TSPAN6: variants seen among roughly 807,000 people sequenced by gnomAD.
TSPAN6 encodes the protein tetraspanin-6.
A neutral mutation model predicts 18.0 loss-of-function variants in TSPAN6; 13 were observed. That is an observed-to-expected ratio of 0.72 (90% CI 0.47 to 1.15). The LOEUF (loss-of-function observed/expected upper bound fraction) is 1.15. Among genes scored for constraint, TSPAN6 ranks in the 50% most tolerant of loss-of-function variants. The pLI is 0.00. For missense variants in TSPAN6, 186 were observed against 183.9 expected (o/e 1.01, Z -0.07); for synonymous variants, 82 against 67.0 (o/e 1.22, Z -1.09).
chrX:100,632,017 C>T, intron 6 of TSPAN6: 1 of 130,745 alleles, frequency 7.6e-6, no homozygotes, highest in Non-Finnish European at 1.5e-5. Context: ...TATTTTTATA[C>T]TGTGACCAGT....
chrX:100,635,229 A>G lies in TSPAN6; in HGVS notation c.300T>C (p.Val100=), dbSNP rs141301339. 1.8e-4 allele frequency: 221 copies of G among 1,196,235 alleles called. No homozygotes were observed. The African/African-American group carries it at 3.2e-3, about 18-fold the overall frequency. Reference sequence around the variant, plus strand: ...TGGCAGCGACCAGTTCGACCAAAAAAACGAGAGTCAGAAACATTGCATACT... The same window carrying G: ...TGGCAGCGACCAGTTCGACCAAAAAGACGAGAGTCAGAAACATTGCATACT... ...LKLYAMFLTL[V]FLVELVAAIV... The change falls in exon 3 of 8, where the codon GTT becomes GTC. Residue 100 remains valine (V), a synonymous_variant. Transcript: ENST00000373020.
chrX:100,635,876 T>C (rs1291160846), intron 1 of TSPAN6, 130 bp from the exon 2 acceptor site: 2 of 460,209 alleles, frequency 4.3e-6, no homozygotes, highest in African/African-American at 5.4e-5. Context: ...GGGGGAAGAG[T>C]AGAAGGGGTT....
intron 1 of TSPAN6, 101 bp from the exon 2 acceptor site, chrX:100,635,847 G>A: frequency 1.5e-6 from 1 of 652,966 alleles, no homozygotes; most frequent in Non-Finnish European, 2.1e-6. Context: ...GGTGTAATAT[G>A]CTGGGATACG....
Position 100,630,877 on chromosome X carries a change from A to T in TSPAN6, c.670-11T>A. On this transcript the variant is annotated splice_polypyrimidine_tract_variant and intron_variant, in intron 6 of 7. Transcript: ENST00000373020. ...AAAGATTCCAATCAGCTAGAAATAA[A>T]ATAGGAACAAAATTAAATACATACA... 1 of 1,152,867 alleles carries T rather than the reference A, an allele frequency of 8.7e-7. No homozygotes were observed. Among genetic ancestry groups the T allele is most frequent in the Non-Finnish European group, 1.2e-6 (1 of 842,841 alleles).
chrX:100,634,555 G>A (rs1039524228), intron 3 of TSPAN6, among the ~76,000 whole-genome samples: 3 of 110,102 alleles, frequency 2.7e-5, no homozygotes, highest in Admixed American at 9.7e-5. Flanking sequence ...GCAGTGGCGC[G>A]ATCTCGGCTC....
At chrX:100,632,414 A>G (rs2083065935) in intron 6 of TSPAN6, 71 bp downstream of exon 6, 14 of 893,105 alleles carry the variant, frequency 1.6e-5, no homozygotes, top group Non-Finnish European at 8.0e-6. Context: ...TCAAAAAAAA[A>G]AAAGTGAAAA....
chrX:100,632,719 G>C, intron 5 of TSPAN6, 151 bp from the exon 6 acceptor site: 1 of 432,272 alleles, frequency 2.3e-6, no homozygotes. Flanking sequence ...AAAGATGTAT[G>C]TATCATAGCC....
rs2083039069 is a variant in TSPAN6 at position 100,628,589 on chromosome X, C to T, written c.*1437G>A. The T allele has an allele frequency of 9.0e-6, 1 of 111,703 alleles. No homozygotes were observed. Among genetic ancestry groups the T allele is most frequent in the African/African-American group, 3.3e-5 (1 of 30,761 alleles). 9.2% of individuals were successfully genotyped at this position (111,703 alleles called of 1,213,427 possible). On this transcript the variant is annotated 3_prime_UTR_variant, in exon 8 of 8. Coordinates refer to ENST00000373020, the MANE Select transcript of TSPAN6 (RefSeq NM_003270.4). ...AATTATTATTTTCCTTATTAATTTC[C>T]CTATTATCCTGAAGATACAGGTTAC...
At chrX:100,636,140 AAAAGCAAGCCC>A (rs776158331) in intron 1 of TSPAN6, 1 of 790,685 alleles carries the variant, frequency 1.3e-6, no homozygotes, top group East Asian at 1.1e-4. Flanking sequence ...ACTGGTACAC[AAAAGCAAGCCC>A]AAGGATAGAC....
At chrX:100,631,795 C>A (rs1205949705) in intron 6 of TSPAN6, among the ~76,000 whole-genome samples, 1 of 111,936 alleles carries the variant, frequency 8.9e-6, no homozygotes, top group Non-Finnish European at 1.9e-5. Context: ...ACTAAGAGGG[C>A]ACTGAGTCTT....
At chrX:100,633,261 G>A in intron 5 of TSPAN6, 144 bp downstream of exon 5, 1 of 490,214 alleles carries the variant, frequency 2.0e-6, no homozygotes, top group Non-Finnish European at 3.3e-6. Flanking sequence ...GGAGCTTGCA[G>A]TGAGCCGAGA....
In TSPAN6 at chrX:100,630,817, T is replaced by C. The variant is rs1185396016; in HGVS notation, c.719A>G (p.Asn240Ser). The C allele has an allele frequency of 1.7e-6, 2 of 1,211,061 alleles. No individual in the cohort carries two copies. The highest frequency in any genetic ancestry group is 3.0e-5 in the East Asian group (1 of 33,842). The change falls in exon 7 of 8, where the codon AAC (asparagine) becomes AGC (serine). Residue 240 changes from asparagine (N) to serine (S), a missense_variant. By Grantham distance (46) the Asn-to-Ser change is conservative (BLOSUM62 1). Coordinates refer to ENST00000373020, the MANE Select transcript of TSPAN6 (RefSeq NM_003270.4). ...AYCLSRAITN[N>S]QYEIV The stretch of plus-strand genomic sequence containing the variant: ...ATTGGGTTACACTATCTCATACTGG[T>C]TATTTGTTATGGCACGAGAGAGGCA...
upstream of TSPAN6, chrX:100,636,869 G>A (rs2234088): frequency 1.9e-3 from 822 of 426,622 alleles, 5 homozygotes; most frequent in South Asian, 0.012. Context: ...TGTCCGGAAA[G>A]TGGCAACAAT....
rs762808518 is a variant in TSPAN6 at position 100,636,260 on chromosome X, G to A, written c.87+348C>T. On this transcript the variant is annotated intron_variant, in intron 1 of 7. Coordinates refer to ENST00000373020, the MANE Select transcript of TSPAN6 (RefSeq NM_003270.4). ...TATTATGCAAGTGAGCCCTCAAAGG[G>A]GCCGGGCAAGCCTTGCTTGCCTTTG... 44 of 832,109 alleles carry A rather than the reference G, an allele frequency of 5.3e-5. No individual in the cohort carries two copies. In the East Asian group the frequency reaches 3.3e-3, roughly 63 times the overall value. 68.6% of individuals were successfully genotyped at this position (832,109 alleles called of 1,213,427 possible).
intron 6 of TSPAN6, among the ~76,000 whole-genome samples, chrX:100,631,069 A>G (rs1290781304): frequency 8.9e-6 from 1 of 111,915 alleles, no homozygotes; most frequent in East Asian, 2.8e-4. Context: ...GAATTTCACA[A>G]CTCTCACCAA....
At chrX:100,636,047 AG>A in intron 1 of TSPAN6, 1 of 535,541 alleles carries the variant, frequency 1.9e-6, no homozygotes, top group Non-Finnish European at 2.4e-6. Flanking sequence ...AAAACCTTGA[AG>A]GGGAAAAAAA....
chrX:100,635,392 T>C, intron 2 of TSPAN6, 140 bp from the exon 3 acceptor site: 1 of 640,946 alleles, frequency 1.6e-6, no homozygotes, highest in Non-Finnish European at 2.4e-6. Flanking sequence ...AATAACAACA[T>C]GTCTATTTTG....
intron 1 of TSPAN6, chrX:100,636,047 A>AG: frequency 1.9e-6 from 1 of 535,540 alleles, no homozygotes; most frequent in Non-Finnish European, 2.4e-6. Context: ...AAAACCTTGA[A>AG]GGGGAAAAAA....
At position 100,636,739 on chromosome X, in the gene TSPAN6, CAGAG is replaced by C. The variant is rs772615306; in HGVS notation, c.-49_-46del. ...ACCACCGCACCGGGCGATTGGAACA[CAGAG>C]AGCGAGACGCGGAGTCCCCGAGTCT... On this transcript the variant is annotated 5_prime_UTR_variant, in exon 1 of 8. Transcript: ENST00000373020. 4 of 1,156,755 alleles carry C rather than the reference CAGAG, an allele frequency of 3.5e-6. No homozygotes were observed. In the Admixed American group the frequency reaches 1.0e-4, roughly 30 times the overall value.
Sources: gnomAD v4.1 joint callset for allele counts (sites outside exome capture counted in the v4.1 genomes callset) on GRCh38, gnomAD v4.1.1 for gene constraint, MANE v1.5 for transcripts, NCBI Gene and HGNC (gene_info 2026-07-23, HGNC 2026-07-21) for gene names.